Variants in GRIK4 observed in about 807,000 individuals in gnomAD.
GRIK4 encodes the protein glutamate receptor ionotropic, kainate 4.
A neutral mutation model predicts 104.9 loss-of-function variants in GRIK4; 40 were observed. The ratio of observed to expected loss-of-function variants is 0.38; its 90% CI spans 0.30 to 0.50. The LOEUF is 0.50. GRIK4 is among the 20% of genes least tolerant of loss of function. GRIK4 has a pLI of 0.93. For synonymous variants in GRIK4, 485 were observed against 524.9 expected, an observed-to-expected ratio of 0.92 and a Z score of 1.04; for missense variants, 1,047 against 1,308.1, an observed-to-expected ratio of 0.80 and a Z score of 3.08.
intron 3 of GRIK4, among the ~76,000 whole-genome samples, chr11:120,662,316 C>A (rs1348718597): frequency 6.6e-6 from 1 of 152,216 alleles, no homozygotes; most frequent in Non-Finnish European, 1.5e-5. Flanking sequence ...CAGCCAGGGG[C>A]CCTGCTGGCT....
At chr11:120,824,161 C>G (rs1331925155) in intron 6 of GRIK4, among the ~76,000 whole-genome samples, 1 of 152,174 alleles carries the variant, frequency 6.6e-6, no homozygotes, top group Admixed American at 6.5e-5. Context: ...TCTTCCTTCC[C>G]AAAAGTAGAT....
chr11:120,832,183 TC>T (rs1297277773), intron 7 of GRIK4, among the ~76,000 whole-genome samples, 153 bp downstream of exon 7: 5 of 152,212 alleles, frequency 3.3e-5, no homozygotes, highest in African/African-American at 9.6e-5. Flanking sequence ...AATGAGCGGT[TC>T]CCGAAAAATG....
chr11:120,976,827 T>C (rs1944567982), intron 19 of GRIK4, among the ~76,000 whole-genome samples: 1 of 152,222 alleles, frequency 6.6e-6, no homozygotes, highest in Non-Finnish European at 1.5e-5. Context: ...CTTCCCTCAC[T>C]TTTTGTTCAA....
chr11:120,925,929 G>A (rs941692574), intron 13 of GRIK4, among the ~76,000 whole-genome samples: 4 of 148,160 alleles, frequency 2.7e-5, no homozygotes, highest in East Asian at 2.0e-4. Context: ...AGCCAAGATC[G>A]CACCACTGTG....
chr11:120,545,817 G>A (rs1250877057), intron 1 of GRIK4, among the ~76,000 whole-genome samples: 2 of 152,208 alleles, frequency 1.3e-5, no homozygotes, highest in Non-Finnish European at 2.9e-5. Context: ...ACACCTAGAC[G>A]TTCTTTAACT....
chr11:120,741,566 C>A (rs1951335528), intron 3 of GRIK4, among the ~76,000 whole-genome samples: 1 of 152,192 alleles, frequency 6.6e-6, no homozygotes, highest in Admixed American at 6.5e-5. Flanking sequence ...GCATGAGCCA[C>A]CATGCCTGGC....
chr11:120,603,135 G>A (rs1795638690), intron 1 of GRIK4, among the ~76,000 whole-genome samples: 1 of 152,346 alleles, frequency 6.6e-6, no homozygotes, highest in Middle Eastern at 3.4e-3. Flanking sequence ...GGGAGACTGA[G>A]TCCCACTGGC....
At chr11:120,982,255 G>A (rs955786753) in intron 20 of GRIK4, 31 bp downstream of exon 20, 3 of 1,144,758 alleles carry the variant, frequency 2.6e-6, no homozygotes, top group Non-Finnish European at 4.0e-6. Context: ...GATCGATCGT[G>A]TTGGCAGATG....
At chr11:120,889,893 T>C (rs1955234793) in intron 11 of GRIK4, among the ~76,000 whole-genome samples, 1 of 152,152 alleles carries the variant, frequency 6.6e-6, no homozygotes, top group African/African-American at 2.4e-5. Flanking sequence ...CGTGAGTCAC[T>C]GCACCCAGTC....
At chr11:120,910,852 G>A (rs1184676819) in intron 13 of GRIK4, among the ~76,000 whole-genome samples, 1 of 152,178 alleles carries the variant, frequency 6.6e-6, no homozygotes. Flanking sequence ...ACATGGGGAA[G>A]GACCCTGTGG....
At chr11:120,777,936 CA>C (rs200698302) in intron 3 of GRIK4, among the ~76,000 whole-genome samples, 88 of 112,196 alleles carry the variant, frequency 7.8e-4, no homozygotes, top group Middle Eastern at 4.7e-3. Context: ...GACTCCATCT[CA>C]AAAAAAAAAA....
At chr11:120,622,192 C>A (rs1240261354) in intron 1 of GRIK4, among the ~76,000 whole-genome samples, 1 of 151,478 alleles carries the variant, frequency 6.6e-6, no homozygotes, top group African/African-American at 2.5e-5. Flanking sequence ...TGAAGCACCG[C>A]CCCCGGCCTT....
intron 3 of GRIK4, among the ~76,000 whole-genome samples, chr11:120,673,765 G>A (rs1258418562): frequency 6.6e-6 from 1 of 152,178 alleles, no homozygotes; most frequent in Non-Finnish European, 1.5e-5. Context: ...TAGCATCTCA[G>A]CTGGGACTGC....
chr11:120,730,240 C>T (rs114700439), intron 3 of GRIK4, among the ~76,000 whole-genome samples: 2,438 of 152,122 alleles, frequency 0.016, 55 homozygotes, highest in African/African-American at 0.055. Context: ...TACCTGTAGT[C>T]ACAGCTACTC....
intron 3 of GRIK4, among the ~76,000 whole-genome samples, chr11:120,673,463 C>A (rs1453782580): frequency 6.6e-6 from 1 of 152,230 alleles, no homozygotes; most frequent in Non-Finnish European, 1.5e-5. Context: ...AGCCAAACCC[C>A]AGGTCCTGAG....
At chr11:120,913,399 A>G (rs1358330111) in intron 13 of GRIK4, among the ~76,000 whole-genome samples, 7 of 151,842 alleles carry the variant, frequency 4.6e-5, no homozygotes, top group South Asian at 2.1e-4. Context: ...ATGACTTCCA[A>G]GGCCCCTTCT....
rs1950551618 is a variant in GRIK4, at chr11:120,701,586, A to G, written c.82+41186A>G. 3.3e-5 allele frequency among the ~76,000 whole-genome samples: 5 copies of G among 152,168 alleles called. No homozygotes were observed. In the South Asian group the frequency reaches 1.0e-3, roughly 32 times the overall value. ...TGAATAATGCTGGAGTGAACATAGGAGTGTGGATATATTTACAAGGTGATT... is the reference window on the plus strand; with the variant it reads ...TGAATAATGCTGGAGTGAACATAGGGGTGTGGATATATTTACAAGGTGATT... On this transcript the variant is annotated intron_variant, in intron 3 of 20. Coordinates refer to ENST00000527524, the MANE Select transcript of GRIK4 (RefSeq NM_014619.5).
intron 1 of GRIK4, among the ~76,000 whole-genome samples, chr11:120,604,805 T>G (rs929296715): frequency 2.0e-5 from 3 of 152,200 alleles, no homozygotes; most frequent in Non-Finnish European, 2.9e-5. Context: ...AAACAATGTG[T>G]ATGGCCAGAC....
intron 1 of GRIK4, among the ~76,000 whole-genome samples, chr11:120,519,867 T>TTG (rs1947774612): frequency 8.9e-6 from 1 of 111,868 alleles, no homozygotes; most frequent in South Asian, 3.3e-4. Flanking sequence ...CACTACTGGT[T>TTG]TTTTTTTTTT....
Sources: allele counts gnomAD v4.1 joint callset (sites outside exome capture counted in the v4.1 genomes callset), GRCh38; gene constraint gnomAD v4.1.1; transcripts MANE v1.5; gene names NCBI Gene and HGNC (gene_info 2026-07-23, HGNC 2026-07-21).